ATG7: variants seen among roughly 807,000 people sequenced by gnomAD.
ATG7 encodes the protein ubiquitin-like modifier-activating enzyme ATG7.
ATG7 carries 70 observed loss-of-function variants against 82.4 expected under a neutral mutation model. The observed-to-expected ratio is 0.85, with a 90% confidence interval of 0.70 to 1.04. The LOEUF (loss-of-function observed/expected upper bound fraction) is 1.04, where lower values mean the gene tolerates loss of function less well. ATG7 is among the 50% of genes least tolerant of loss of function. The pLI is 0.00. For missense variants in ATG7, 792 were observed against 864.3 expected, an observed-to-expected ratio of 0.92 and a Z score of 1.05; for synonymous variants, 287 against 313.0, an observed-to-expected ratio of 0.92 and a Z score of 0.88.
intron 20 of ATG7, among the ~76,000 whole-genome samples, chr3:11,516,312 T>C (rs1168740336): frequency 6.6e-6 from 1 of 151,794 alleles, no homozygotes; most frequent in Non-Finnish European, 1.5e-5. Flanking sequence ...GTTGTGCACA[T>C]GTACCCTAAA....
At position 11,554,807 on chromosome 3, in the gene ATG7, G is replaced by A. The variant is rs779713520; in HGVS notation, c.2080-4G>A. The stretch of plus-strand genomic sequence containing the variant: ...CGGCTGAGCCTCTCCCCTTCTCCAT[G>A]CAGATCTGGGACATGAGCGATGATG... On this transcript the variant is annotated splice_polypyrimidine_tract_variant and splice_region_variant and intron_variant, in intron 20 of 20. Coordinates refer to ENST00000693202, the MANE Select transcript of ATG7 (RefSeq NM_001349232.2). 10 of 1,613,332 alleles carry A rather than the reference G, an allele frequency of 6.2e-6. No homozygotes were observed. In the Admixed American group the frequency reaches 1.5e-4, roughly 24 times the overall value.
chr3:11,494,976 G>C (rs1559747181), intron 20 of ATG7, among the ~76,000 whole-genome samples: 1 of 152,160 alleles, frequency 6.6e-6, no homozygotes, highest in African/African-American at 2.4e-5. Context: ...GGAGGCTGAG[G>C]CAGGAGAATC....
chr3:11,433,506 A>AT (rs961204876), intron 20 of ATG7, among the ~76,000 whole-genome samples: 4 of 152,078 alleles, frequency 2.6e-5, no homozygotes, highest in African/African-American at 9.7e-5. Context: ...ATGCCAAAAT[A>AT]TTTTCTAACT....
chr3:11,342,333 C>T, intron 13 of ATG7, 54 bp downstream of exon 13: 1 of 1,562,498 alleles, frequency 6.4e-7, no homozygotes, highest in Non-Finnish European at 8.6e-7. Flanking sequence ...AGCTTCTCTT[C>T]TTGTTTTACT....
At chr3:11,355,973 C>T (rs937162368) in intron 14 of ATG7, among the ~76,000 whole-genome samples, 3 of 152,134 alleles carry the variant, frequency 2.0e-5, no homozygotes, top group African/African-American at 7.2e-5. Context: ...TATAATTATA[C>T]CACGAATGGA....
At chr3:11,511,864 C>T (rs2092080786) in intron 20 of ATG7, among the ~76,000 whole-genome samples, 1 of 152,202 alleles carries the variant, frequency 6.6e-6, no homozygotes, top group African/African-American at 2.4e-5. Context: ...CTGCCTGGGG[C>T]CAGCAGGGCT....
At chr3:11,323,090 C>T (rs1383855569) in intron 9 of ATG7, among the ~76,000 whole-genome samples, 1 of 151,780 alleles carries the variant, frequency 6.6e-6, no homozygotes, top group Admixed American at 6.6e-5. Flanking sequence ...CAGAATGAAA[C>T]TGTCAAAAAA....
the ATG7 span, chr3:11,564,647 G>C: frequency 2.4e-6 from 2 of 826,772 alleles, no homozygotes; most frequent in Non-Finnish European, 3.6e-6. Context: ...GTGCACAACA[G>C]AGGCGAAGGG....
At chr3:11,499,718 G>A (rs1018173750) in intron 20 of ATG7, among the ~76,000 whole-genome samples, 1 of 145,560 alleles carries the variant, frequency 6.9e-6, no homozygotes, top group Non-Finnish European at 1.5e-5. Context: ...TTGCACTCCA[G>A]ACTGGACAAC....
intron 20 of ATG7, among the ~76,000 whole-genome samples, chr3:11,521,203 A>G (rs1329772545): frequency 1.3e-5 from 2 of 152,150 alleles, no homozygotes; most frequent in Non-Finnish European, 2.9e-5. Context: ...TGGTTGCCAT[A>G]GGCAGCCATG....
At chr3:11,445,072 G>A (rs1401999613) in intron 20 of ATG7, among the ~76,000 whole-genome samples, 1 of 152,282 alleles carries the variant, frequency 6.6e-6, no homozygotes, top group African/African-American at 2.4e-5. Flanking sequence ...GCGAGGTTGT[G>A]GTGAAAAAGG....
At position 11,442,739 on chromosome 3, in the gene ATG7, CAAAAAAAAAAAAAAA is replaced by C. The variant is rs57073881; in HGVS notation, c.2079+15831_2079+15845del. ...GCAGCATAGTGAGACTCCATCTCTA[CAAAAAAAAAAAAAAA>C]AAAAAAAAAAAAAAAAATTAGCCAG... On this transcript the variant is annotated intron_variant, in intron 20 of 20. Transcript: ENST00000693202. 2.2e-4 allele frequency among the ~76,000 whole-genome samples: 15 copies of C among 69,254 alleles called. No homozygotes were observed. The East Asian group carries it at 2.6e-3, about 12-fold the overall frequency. The allele number at this position is 69,254 out of a possible 152,430, so 45.4% of individuals were successfully genotyped here.
chr3:11,398,915 A>G (rs1310556283), intron 19 of ATG7, among the ~76,000 whole-genome samples: 2 of 152,260 alleles, frequency 1.3e-5, no homozygotes, highest in Non-Finnish European at 2.9e-5. Flanking sequence ...AGAAGTCAGT[A>G]AAAGCAACAC....
chr3:11,560,687 T>C (rs1238664805), downstream of ATG7, among the ~76,000 whole-genome samples: 1 of 151,678 alleles, frequency 6.6e-6, no homozygotes, highest in African/African-American at 2.4e-5. Context: ...CATGCCAGGG[T>C]AGGGGGGGAT....
chr3:11,549,861 C>A (rs887543783), intron 20 of ATG7, among the ~76,000 whole-genome samples: 7 of 152,204 alleles, frequency 4.6e-5, no homozygotes, highest in Admixed American at 1.3e-4. Flanking sequence ...GTGTGTGGGC[C>A]CTTCCTGCCC....
intron 20 of ATG7, among the ~76,000 whole-genome samples, chr3:11,428,490 CT>C (rs1305833266): frequency 1.3e-5 from 2 of 152,204 alleles, no homozygotes; most frequent in African/African-American, 4.8e-5. Flanking sequence ...TTGGTGCCCT[CT>C]GGGCATTAAA....
intron 20 of ATG7, among the ~76,000 whole-genome samples, chr3:11,453,934 C>A (rs1020763350): frequency 6.6e-6 from 1 of 152,158 alleles, no homozygotes; most frequent in Admixed American, 6.5e-5. Flanking sequence ...CCTTTCCTCA[C>A]AAGGGTTTTA....
chr3:11,542,717 T>C (rs1274573827), intron 20 of ATG7, among the ~76,000 whole-genome samples: 1 of 152,206 alleles, frequency 6.6e-6, no homozygotes, highest in Non-Finnish European at 1.5e-5. Flanking sequence ...GACAGTCCCC[T>C]GGGCATCCTC....
chr3:11,303,552 C>T (rs1338604933), intron 5 of ATG7, among the ~76,000 whole-genome samples: 1 of 151,536 alleles, frequency 6.6e-6, no homozygotes, highest in African/African-American at 2.4e-5. Flanking sequence ...CCTGTAGTCC[C>T]AGCTGCTTGA....
Sources: allele counts gnomAD v4.1 joint callset (sites outside exome capture counted in the v4.1 genomes callset), GRCh38; gene constraint gnomAD v4.1.1; transcripts MANE v1.5; gene names NCBI Gene and HGNC (gene_info 2026-07-23, HGNC 2026-07-21).